TMEM17: variants seen among roughly 807,000 people sequenced by gnomAD.
TMEM17 encodes the protein transmembrane protein 17.
In TMEM17, 15 loss-of-function variants were observed where a neutral mutation model predicts 19.1. The observed-to-expected ratio is 0.78, with a 90% CI of 0.52 to 1.21. The LOEUF is 1.21. Ranked by LOEUF, TMEM17 falls within the 50% of genes most tolerant of loss-of-function variation. TMEM17 has a pLI of 0.00. For synonymous variants in TMEM17, 103 were observed against 86.9 expected (o/e 1.19, Z -1.03); for missense variants, 245 against 242.3 (o/e 1.01, Z -0.07).
chr2:62,505,200 T>C (rs1178444948), intron 1 of TMEM17, among the ~76,000 whole-genome samples: 1 of 152,178 alleles, frequency 6.6e-6, no homozygotes, highest in Non-Finnish European at 1.5e-5. Flanking sequence ...CCAGCAGAGT[T>C]GAATGATGAA....
the TMEM17 span, among the ~76,000 whole-genome samples, chr2:62,469,011 T>C: frequency 2.6e-5 from 4 of 152,258 alleles, no homozygotes; most frequent in African/African-American, 4.8e-5. Context: ...CCACCTCTTT[T>C]ACCCTCTGTC....
At position 62,501,165 on chromosome 2, in the gene TMEM17, A is replaced by C; in HGVS notation, c.*44T>G. 1 of 1,580,132 alleles carries C rather than the reference A, an allele frequency of 6.3e-7. No individual in the cohort carries two copies. Among genetic ancestry groups the C allele is most frequent in the Non-Finnish European group, 8.6e-7 (1 of 1,161,138 alleles). On this transcript the variant is annotated 3_prime_UTR_variant, in exon 4 of 4. Coordinates refer to ENST00000335390, the MANE Select transcript of TMEM17 (RefSeq NM_198276.3). ...GCTCTGATATTTTCCTAACTCTTAC[A>C]GTCTCTAGAATGATCTGTCAGATTT...
intron 1 of TMEM17, among the ~76,000 whole-genome samples, 162 bp downstream of exon 1, chr2:62,505,868 C>T (rs1314178854): frequency 1.3e-5 from 2 of 152,228 alleles, no homozygotes; most frequent in African/African-American, 2.4e-5. Context: ...CGCCTCAGCT[C>T]CCTGTCCGGC....
chr2:62,486,721 A>T, the TMEM17 span, among the ~76,000 whole-genome samples: 1 of 152,348 alleles, frequency 6.6e-6, no homozygotes, highest in African/African-American at 2.4e-5. Context: ...TGCAAGGATC[A>T]TCTGCCTACT....
the TMEM17 span, among the ~76,000 whole-genome samples, chr2:62,467,072 C>CT: frequency 7.9e-5 from 12 of 151,906 alleles, no homozygotes; most frequent in South Asian, 2.1e-3. Flanking sequence ...TTTGGTTTTT[C>CT]TTTTTTTTAA....
chr2:62,487,589 G>C, the TMEM17 span, among the ~76,000 whole-genome samples: 1 of 152,184 alleles, frequency 6.6e-6, no homozygotes, highest in Non-Finnish European at 1.5e-5. Context: ...AAATGCCTGT[G>C]AAACAGGTGA....
At chr2:62,498,665 G>A (rs1679836241), downstream of TMEM17, among the ~76,000 whole-genome samples, 1 of 145,926 alleles carries the variant, frequency 6.9e-6, no homozygotes, top group Non-Finnish European at 1.5e-5. Context: ...GCAGTGAGCC[G>A]AGATCCCGCC....
Position 62,501,231 on chromosome 2 carries a change from C to A in TMEM17, c.575G>T (p.Arg192Met). Reference protein sequence around the residue: ...SANRGDMRRMRSCIEEI With the variant: ...SANRGDMRRMMSCIEEI ...GGATCAGATCTCTTCTATACATGAC[C>A]TCATCCTTCTCATGTCTCCTCTGTT... The change falls in exon 4 of 4, where the codon AGG (arginine) becomes ATG (methionine). Residue 192 changes from arginine (R) to methionine (M), a missense_variant. By Grantham distance (91) the Arg-to-Met change is moderately conservative. Transcript: ENST00000335390. 6.2e-7 allele frequency: 1 copy of A among 1,614,174 alleles called. No homozygotes were observed. Among genetic ancestry groups the A allele is most frequent in the Non-Finnish European group, 8.5e-7 (1 of 1,180,036 alleles).
At chr2:62,463,652 A>T in the TMEM17 span, among the ~76,000 whole-genome samples, 1 of 152,204 alleles carries the variant, frequency 6.6e-6, no homozygotes, top group Non-Finnish European at 1.5e-5. Flanking sequence ...AGTGATAGGG[A>T]CAGGAGGCAG....
chr2:62,473,184 A>G, the TMEM17 span, among the ~76,000 whole-genome samples: 1 of 152,204 alleles, frequency 6.6e-6, no homozygotes, highest in East Asian at 1.9e-4. Context: ...TAATTGCTTT[A>G]ACAGAAGTAG....
chr2:62,504,099 G>C (rs1308869930), intron 1 of TMEM17, among the ~76,000 whole-genome samples: 1 of 152,134 alleles, frequency 6.6e-6, no homozygotes, highest in Non-Finnish European at 1.5e-5. Flanking sequence ...TTTCTCCATA[G>C]CTGAGTGTTT....
chr2:62,470,876 G>C, the TMEM17 span, among the ~76,000 whole-genome samples: 1 of 152,186 alleles, frequency 6.6e-6, no homozygotes, highest in Non-Finnish European at 1.5e-5. Context: ...AACCACTCCA[G>C]TTCCAAGGGC....
the TMEM17 span, among the ~76,000 whole-genome samples, chr2:62,495,010 G>A: frequency 1.1e-4 from 16 of 152,186 alleles, no homozygotes; most frequent in African/African-American, 2.9e-4. Flanking sequence ...GCGAGACTCC[G>A]TCTCAAAAAA....
the TMEM17 span, among the ~76,000 whole-genome samples, chr2:62,461,554 G>GT: frequency 1.3e-5 from 2 of 152,144 alleles, no homozygotes; most frequent in African/African-American, 4.8e-5. Flanking sequence ...AAGGTACCTG[G>GT]TTTTTTGCAG....
At chr2:62,462,540 AGT>A in the TMEM17 span, among the ~76,000 whole-genome samples, 4 of 152,332 alleles carry the variant, frequency 2.6e-5, no homozygotes, top group Middle Eastern at 3.4e-3. Context: ...TTCCCAGTAC[AGT>A]GCTACCCCAT....
At chr2:62,504,344 T>C (rs1053017931) in intron 1 of TMEM17, among the ~76,000 whole-genome samples, 3 of 152,238 alleles carry the variant, frequency 2.0e-5, no homozygotes, top group African/African-American at 7.2e-5. Context: ...GACATGGTAA[T>C]GACATAAACT....
At chr2:62,492,885 G>C in the TMEM17 span, among the ~76,000 whole-genome samples, 36 of 152,328 alleles carry the variant, frequency 2.4e-4, no homozygotes, top group Middle Eastern at 6.8e-3. Context: ...AAAGTCTGCA[G>C]GTAAAACCCA....
chr2:62,466,673 C>T, the TMEM17 span, among the ~76,000 whole-genome samples: 1 of 152,214 alleles, frequency 6.6e-6, no homozygotes, highest in East Asian at 1.9e-4. Flanking sequence ...TTCCACCTTT[C>T]CAGGCAGAAT....
the TMEM17 span, among the ~76,000 whole-genome samples, chr2:62,471,011 A>G: frequency 6.6e-6 from 1 of 152,192 alleles, no homozygotes; most frequent in African/African-American, 2.4e-5. Context: ...GGCCACACCA[A>G]GGGAATGTGA....
Sources: gnomAD v4.1 joint callset for allele counts (sites outside exome capture counted in the v4.1 genomes callset) on GRCh38, gnomAD v4.1.1 for gene constraint, MANE v1.5 for transcripts, NCBI Gene and HGNC (gene_info 2026-07-23, HGNC 2026-07-21) for gene names.